The following SYT1 variants were observed in gnomAD, a reference collection of about 807,000 sequenced individuals.
SYT1 encodes the protein synaptotagmin 1, also known as synaptotagmin-1.
SYT1 carries 8 observed loss-of-function variants against 44.8 expected under a neutral mutation model. The ratio of observed to expected loss-of-function variants is 0.18; its 90% CI spans 0.10 to 0.32. The LOEUF (loss-of-function observed/expected upper bound fraction) is 0.32, where lower values mean the gene tolerates loss of function less well. SYT1 is among the 10% of genes least tolerant of loss of function. The probability of loss-of-function intolerance (pLI) is 1.00; values close to 1 mark genes in which losing one functional copy is unlikely to be tolerated. For synonymous variants in SYT1, 154 were observed against 188.8 expected (o/e 0.82, Z 1.51); for missense variants, 286 against 509.3 (o/e 0.56, Z 4.22).
At chr12:78,973,777 A>G (rs1297570651) in intron 1 of SYT1, among the ~76,000 whole-genome samples, 1 of 151,240 alleles carries the variant, frequency 6.6e-6, no homozygotes, top group Non-Finnish European at 1.5e-5. Context: ...CTCATTCAAG[A>G]TGTATTTACT....
chr12:79,418,759 T>A (rs1381539241), intron 9 of SYT1, among the ~76,000 whole-genome samples: 2 of 152,182 alleles, frequency 1.3e-5, no homozygotes, highest in African/African-American at 4.8e-5. Flanking sequence ...AGGCCAGCAG[T>A]AACTCTTCCA....
chr12:78,921,994 A>T (rs1444647195), intron 1 of SYT1, among the ~76,000 whole-genome samples: 1 of 44,380 alleles, frequency 2.3e-5, no homozygotes, highest in East Asian at 3.4e-3. Context: ...TTTAAAGAAT[A>T]AAAAAAAAAA....
intron 10 of SYT1, among the ~76,000 whole-genome samples, chr12:79,445,186 G>A: frequency 6.6e-6 from 1 of 151,936 alleles, no homozygotes; most frequent in East Asian, 1.9e-4. Context: ...TATTTTAATT[G>A]CCAAATAGTA....
intron 9 of SYT1, among the ~76,000 whole-genome samples, chr12:79,353,880 C>T (rs755767466): frequency 5.9e-5 from 9 of 152,096 alleles, no homozygotes; most frequent in Non-Finnish European, 1.0e-4. Context: ...GCATTGAAAG[C>T]TGAAAATGTT....
chr12:79,365,619 G>A (rs1041776645), intron 9 of SYT1, among the ~76,000 whole-genome samples: 2 of 151,938 alleles, frequency 1.3e-5, no homozygotes, highest in African/African-American at 4.8e-5. Context: ...AAAAGCAATA[G>A]GAGAAAGTCT....
At chr12:78,978,187 T>C (rs1205863511) in intron 2 of SYT1, among the ~76,000 whole-genome samples, 1 of 152,216 alleles carries the variant, frequency 6.6e-6, no homozygotes, top group Non-Finnish European at 1.5e-5. Flanking sequence ...GCTCCTTGTA[T>C]AACATGTTTG....
intron 3 of SYT1, among the ~76,000 whole-genome samples, chr12:79,206,329 T>A (rs1417233251): frequency 6.6e-6 from 1 of 152,164 alleles, no homozygotes; most frequent in Admixed American, 6.5e-5. Context: ...GTAAAGCCAA[T>A]ATTAAAAGGT....
intron 3 of SYT1, among the ~76,000 whole-genome samples, chr12:79,099,758 A>G (rs1420780503): frequency 6.6e-6 from 1 of 152,190 alleles, no homozygotes. Context: ...TAAAAATAGC[A>G]TAGACACTAA....
At chr12:79,374,517 T>A (rs1013115732) in intron 9 of SYT1, among the ~76,000 whole-genome samples, 5 of 152,186 alleles carry the variant, frequency 3.3e-5, no homozygotes, top group Admixed American at 6.5e-5. Context: ...GGTAATTTCT[T>A]CATAATTTTC....
At chr12:79,166,245 A>G (rs1273672168) in intron 3 of SYT1, among the ~76,000 whole-genome samples, 1 of 151,728 alleles carries the variant, frequency 6.6e-6, no homozygotes, top group African/African-American at 2.4e-5. Context: ...ACACATACCA[A>G]TTGTCAGAGT....
intron 4 of SYT1, among the ~76,000 whole-genome samples, chr12:79,224,740 TTTATTTATTTTTTATTATTA>T (rs1280391890): frequency 1.8e-4 from 10 of 56,476 alleles, no homozygotes; most frequent in Admixed American, 4.0e-4. Flanking sequence ...TCATTTTTTA[TTTATTTATTTTTTATTATTA>T]TTATTATTAT....
At chr12:79,172,750 C>T (rs1052732323) in intron 3 of SYT1, among the ~76,000 whole-genome samples, 28 of 151,376 alleles carry the variant, frequency 1.8e-4, no homozygotes, top group African/African-American at 6.8e-4. Context: ...TGAAATCTCT[C>T]ATTATTTTGT....
intron 4 of SYT1, among the ~76,000 whole-genome samples, chr12:79,282,151 T>C (rs1879084532): frequency 6.6e-6 from 1 of 152,170 alleles, no homozygotes; most frequent in African/African-American, 2.4e-5. Context: ...TTCAGGATAA[T>C]TTCCCCATCT....
At chr12:79,435,514 A>G (rs759130623) in intron 9 of SYT1, among the ~76,000 whole-genome samples, 1 of 151,972 alleles carries the variant, frequency 6.6e-6, no homozygotes, top group Non-Finnish European at 1.5e-5. Flanking sequence ...CCTCATAACT[A>G]TATGGCTGGC....
intron 1 of SYT1, among the ~76,000 whole-genome samples, chr12:78,944,510 A>AT (rs1878553640): frequency 6.6e-6 from 1 of 152,052 alleles, no homozygotes; most frequent in Non-Finnish European, 1.5e-5. Flanking sequence ...GAATGCAAAT[A>AT]CAAAAAAAAA....
intron 1 of SYT1, among the ~76,000 whole-genome samples, chr12:78,881,313 T>G (rs1019408920): frequency 6.6e-6 from 1 of 151,826 alleles, no homozygotes; most frequent in African/African-American, 2.4e-5. Context: ...CAAAGAAATT[T>G]TTCCCAACCC....
intron 9 of SYT1, among the ~76,000 whole-genome samples, chr12:79,384,987 A>ATTTTTTTTTT (rs3067387): frequency 7.7e-6 from 1 of 129,920 alleles, no homozygotes; most frequent in East Asian, 2.2e-4. Flanking sequence ...GGACCACTGG[A>ATTTTTTTTTT]TTTTTTTTTT....
chr12:79,362,059 C>T (rs930372644), intron 9 of SYT1, among the ~76,000 whole-genome samples: 55 of 152,132 alleles, frequency 3.6e-4, no homozygotes, highest in Admixed American at 1.3e-4. Flanking sequence ...CAGGAAAACA[C>T]ATGTCAGCTA....
In SYT1 at chr12:79,335,413, A is replaced by G. The variant is rs117289007; in HGVS notation, c.811-18089A>G. ...TGCTTTTTTTTTTTTTTTACTCGCA[A>G]TCTTTTCTTTAATCTTCTGTGGACT... On this transcript the variant is annotated intron_variant, in intron 8 of 10. Transcript: ENST00000261205. 9.2e-3 allele frequency among the ~76,000 whole-genome samples: 1,316 copies of G among 143,174 alleles called. 8 individuals carry two copies. Among genetic ancestry groups the G allele is most frequent in the Non-Finnish European group, 0.014 (921 of 65,978 alleles). 93.9% of individuals were successfully genotyped at this position (143,174 alleles called of 152,430 possible). A position where few individuals can be genotyped will look rare whatever the true frequency, so the allele number is the denominator to read the frequency against.
Sources: gnomAD v4.1 joint callset for allele counts (sites outside exome capture counted in the v4.1 genomes callset) on GRCh38, gnomAD v4.1.1 for gene constraint, MANE v1.5 for transcripts, NCBI Gene and HGNC (gene_info 2026-07-23, HGNC 2026-07-21) for gene names.